The following ING3 variants were observed in gnomAD, a reference collection of about 807,000 sequenced individuals.
The protein encoded by ING3 is inhibitor of growth family member 3.
Under a neutral mutation model 64.8 loss-of-function variants are expected in ING3, and 6 were observed. That is an observed-to-expected ratio of 0.09 (90% CI 0.05 to 0.18). The LOEUF is 0.18. Among genes scored for constraint, ING3 ranks in the 10% least tolerant of loss-of-function variants. ING3 has a pLI of 1.00. For synonymous variants in ING3, 170 were observed against 173.7 expected, an observed-to-expected ratio of 0.98 and a Z score of 0.17; for missense variants, 310 against 489.7, an observed-to-expected ratio of 0.63 and a Z score of 3.46.
At chr7:120,967,725 A>G (rs1796014543) in intron 7 of ING3, 77 bp downstream of exon 7, 5 of 1,433,298 alleles carry the variant, frequency 3.5e-6, no homozygotes, top group Non-Finnish European at 9.5e-7. Context: ...TTCAGGATTA[A>G]TGAATCATAC....
At chr7:120,959,877 C>A (rs1024264136) in intron 4 of ING3, among the ~76,000 whole-genome samples, 5 of 151,796 alleles carry the variant, frequency 3.3e-5, no homozygotes, top group African/African-American at 1.2e-4. Context: ...GAACTCCTGA[C>A]CTCGTGATCC....
intron 4 of ING3, among the ~76,000 whole-genome samples, chr7:120,963,420 T>TA (rs1452729434): frequency 6.6e-6 from 1 of 151,182 alleles, no homozygotes; most frequent in African/African-American, 2.4e-5. Context: ...ATACTTGAGT[T>TA]ATATTATTCT....
At chr7:120,974,424 C>T (rs889141132) in intron 11 of ING3, among the ~76,000 whole-genome samples, 31 of 152,178 alleles carry the variant, frequency 2.0e-4, no homozygotes, top group African/African-American at 7.2e-4. Context: ...AGATTCATCC[C>T]ACTTCTTTTT....
chr7:120,967,220 G>A lies in ING3; in HGVS notation c.437-309G>A, dbSNP rs372476585. 5.9e-5 allele frequency among the ~76,000 whole-genome samples: 9 copies of A among 152,102 alleles called. No homozygotes were observed. In the East Asian group the frequency reaches 1.3e-3, roughly 23 times the overall value. Reference sequence around the variant, plus strand: ...ACATCTTTTGACACATCAATTTGGTGGGAAACTATTTTAAGTGGTAGATTG... The same window carrying A: ...ACATCTTTTGACACATCAATTTGGTAGGAAACTATTTTAAGTGGTAGATTG... On this transcript the variant is annotated intron_variant, in intron 6 of 11. Transcript: ENST00000315870.
intron 10 of ING3, among the ~76,000 whole-genome samples, chr7:120,972,139 T>C (rs1796078012): frequency 6.6e-6 from 1 of 152,178 alleles, no homozygotes; most frequent in Non-Finnish European, 1.5e-5. Context: ...TAATTTTATG[T>C]AGTTATGACT....
At chr7:120,956,935 G>GTAT in intron 4 of ING3, 1 of 514,570 alleles carries the variant, frequency 1.9e-6, no homozygotes, top group Middle Eastern at 9.8e-4. Context: ...AAGATATTTT[G>GTAT]TGTATTTAGA....
chr7:120,968,512 A>G (rs945405282), intron 8 of ING3, among the ~76,000 whole-genome samples: 8 of 152,130 alleles, frequency 5.3e-5, no homozygotes, highest in Admixed American at 4.6e-4. Flanking sequence ...CCCATAGTTT[A>G]TATTCTAACT....
intron 4 of ING3, among the ~76,000 whole-genome samples, chr7:120,961,762 G>T (rs995927787): frequency 4.6e-5 from 7 of 152,170 alleles, no homozygotes; most frequent in Non-Finnish European, 1.0e-4. Flanking sequence ...ACTTAAAGCT[G>T]TTATGATTTG....
intron 8 of ING3, 61 bp from the exon 9 acceptor site, chr7:120,968,950 C>A: frequency 2.4e-5 from 23 of 945,086 alleles, no homozygotes; most frequent in East Asian, 7.5e-5. Context: ...ATTTGTAAAA[C>A]TTGAAAAAGA....
chr7:120,958,545 G>A (rs578111810), intron 4 of ING3, among the ~76,000 whole-genome samples: 7 of 152,162 alleles, frequency 4.6e-5, no homozygotes, highest in Non-Finnish European at 8.8e-5. Context: ...TACTTCTTGC[G>A]TCTACACTTC....
rs1796036642 is a variant in ING3, at chr7:120,969,210, T to C, written c.908+6T>C. Reference sequence around the variant, plus strand: ...CGGAGTGGTCGAAAGAGCAAGTAAGTTTTATTGTTACAGTAGCCCTATACC... The same window carrying C: ...CGGAGTGGTCGAAAGAGCAAGTAAGCTTTATTGTTACAGTAGCCCTATACC... On this transcript the variant is annotated splice_donor_region_variant and intron_variant, in intron 9 of 11. Transcript: ENST00000315870. 6.2e-7 allele frequency: 1 copy of C among 1,610,658 alleles called. No individual in the cohort carries two copies. Among genetic ancestry groups the C allele is most frequent in the Non-Finnish European group, 8.5e-7 (1 of 1,177,768 alleles).
At chr7:120,972,898 G>A (rs1426817397) in intron 10 of ING3, among the ~76,000 whole-genome samples, 1 of 152,074 alleles carries the variant, frequency 6.6e-6, no homozygotes, top group Non-Finnish European at 1.5e-5. Context: ...AAATAATCAA[G>A]AAAGGAACTT....
At chr7:120,962,221 A>G (rs901327933) in intron 4 of ING3, among the ~76,000 whole-genome samples, 1 of 152,320 alleles carries the variant, frequency 6.6e-6, no homozygotes, top group Non-Finnish European at 1.5e-5. Context: ...TTAGTACAGC[A>G]GTAGTAAATA....
Position 120,975,437 on chromosome 7 carries a change from A to G in ING3, c.*593A>G, listed in dbSNP as rs1391891839. Reference sequence around the variant, plus strand: ...GGTATCCTCTAGAGTACCTGGGTACATAAACAGAAACTCCTGTAGGTAAAA... The same window carrying G: ...GGTATCCTCTAGAGTACCTGGGTACGTAAACAGAAACTCCTGTAGGTAAAA... On this transcript the variant is annotated 3_prime_UTR_variant, in exon 12 of 12. Transcript: ENST00000315870. The G allele has an allele frequency of 1.3e-5, 2 of 151,756 alleles. No individual in the cohort carries two copies. The highest frequency in any genetic ancestry group is 2.9e-5 in the Non-Finnish European group (2 of 67,938). The allele number at this position is 151,756 out of a possible 1,614,324, so 9.4% of individuals were successfully genotyped here.
intron 2 of ING3, among the ~76,000 whole-genome samples, chr7:120,952,009 A>G (rs989334476): frequency 6.6e-6 from 1 of 152,088 alleles, no homozygotes; most frequent in African/African-American, 2.4e-5. Context: ...GCCCATGACC[A>G]CACACCCACT....
At chr7:120,956,710 T>A (rs1263898443) in intron 4 of ING3, 19 of 983,816 alleles carry the variant, frequency 1.9e-5, no homozygotes, top group Non-Finnish European at 2.2e-5. Context: ...AGGTCTTAAT[T>A]GTTTCAGTCT....
At position 120,959,162 on chromosome 7, in the gene ING3, C is replaced by T. The variant is rs138880574; in HGVS notation, c.267+3538C>T. On this transcript the variant is annotated intron_variant, in intron 4 of 11. Transcript: ENST00000315870. Reference sequence around the variant, plus strand: ...CATAATGATGGTGTTCCTCAGGGTTCTGTCCTTGACCTACATGGTTTCTTA... The same window carrying T: ...CATAATGATGGTGTTCCTCAGGGTTTTGTCCTTGACCTACATGGTTTCTTA... 2.0e-5 allele frequency among the ~76,000 whole-genome samples: 3 copies of T among 152,312 alleles called. No individual in the cohort carries two copies. In the East Asian group the frequency reaches 5.8e-4, roughly 29 times the overall value.
intron 6 of ING3, 53 bp from the exon 7 acceptor site, chr7:120,967,476 T>G (rs150536892): frequency 7.5e-7 from 1 of 1,333,402 alleles, no homozygotes; most frequent in Admixed American, 2.2e-5. Context: ...TATTATGCCT[T>G]GTCCATAGTT....
At chr7:120,952,748 T>C (rs1333387569) in intron 2 of ING3, among the ~76,000 whole-genome samples, 1 of 152,022 alleles carries the variant, frequency 6.6e-6, no homozygotes, top group East Asian at 1.9e-4. Context: ...GAATCTTTTT[T>C]ATTAATTTTT....
Sources: gnomAD v4.1 joint callset for allele counts (sites outside exome capture counted in the v4.1 genomes callset) on GRCh38, gnomAD v4.1.1 for gene constraint, MANE v1.5 for transcripts, NCBI Gene and HGNC (gene_info 2026-07-23, HGNC 2026-07-21) for gene names.